The following CKAP2L variants were observed in gnomAD, a reference collection of about 807,000 sequenced individuals.
CKAP2L encodes the protein cytoskeleton-associated protein 2-like.
CKAP2L carries 42 observed loss-of-function variants against 65.7 expected under a neutral mutation model. The observed-to-expected ratio is 0.64, with a 90% CI of 0.50 to 0.83. The LOEUF is 0.83. Ranked by LOEUF, CKAP2L falls within the 40% of genes least tolerant of loss-of-function variation. The pLI, the probability that CKAP2L is intolerant of heterozygous loss-of-function variation, is 0.00. For synonymous variants in CKAP2L, 325 were observed against 313.5 expected (o/e 1.04, Z -0.39); for missense variants, 908 against 871.0 (o/e 1.04, Z -0.53).
chr2:112,751,256 G>C (rs1680363851), intron 5 of CKAP2L, among the ~76,000 whole-genome samples: 1 of 152,080 alleles, frequency 6.6e-6, no homozygotes, highest in Admixed American at 6.5e-5. Flanking sequence ...ATTGGTACTA[G>C]GAAAACACAA....
intron 5 of CKAP2L, among the ~76,000 whole-genome samples, chr2:112,747,012 A>G (rs1680223137): frequency 6.6e-6 from 1 of 151,734 alleles, no homozygotes. Flanking sequence ...GATGGTCTTG[A>G]TCTCCTGACC....
chr2:112,746,621 G>A (rs1680210133), intron 5 of CKAP2L, 46 bp from the exon 6 acceptor site: 3 of 1,401,406 alleles, frequency 2.1e-6, no homozygotes, highest in African/African-American at 1.4e-5. Flanking sequence ...CCATTTCACT[G>A]TTAGTCTCAC....
Position 112,737,608 on chromosome 2 carries a change from G to T in CKAP2L, c.*1215C>A, listed in dbSNP as rs753185592. On this transcript the variant is annotated 3_prime_UTR_variant, in exon 9 of 9. Transcript: ENST00000302450. ...AATTGAGTTGTAAGAGTCTCTTATT[G>T]AAAGTCTGCTGGTATTACAGGTTTA... 6.6e-6 allele frequency: 1 copy of T among 151,952 alleles called. No homozygotes were observed. The highest frequency in any genetic ancestry group is 1.5e-5 in the Non-Finnish European group (1 of 68,006). The allele number at this position is 151,952 out of a possible 1,614,324, so 9.4% of individuals were successfully genotyped here.
At chr2:112,750,030 C>A (rs1254744209) in intron 5 of CKAP2L, among the ~76,000 whole-genome samples, 1 of 152,142 alleles carries the variant, frequency 6.6e-6, no homozygotes, top group Non-Finnish European at 1.5e-5. Flanking sequence ...TGGATAGCAT[C>A]TTTTCCTCAA....
Position 112,752,281 on chromosome 2 carries a change from TCAGA to T in CKAP2L, c.1584_1587del (p.Cys528Ter). The T allele has an allele frequency of 1.9e-6, 3 of 1,613,268 alleles. No individual in the cohort carries two copies. Among genetic ancestry groups the T allele is most frequent in the Non-Finnish European group, 2.5e-6 (3 of 1,179,430 alleles). On this transcript the variant is annotated frameshift_variant, in exon 5 of 9. Transcript: ENST00000302450. LOFTEE classifies it high-confidence loss of function. ...TCTTCACTTACCCCTTCGATGAGGT[TCAGA>T]CATTCTGTCAGAGTGTTGTTAATTT...
chr2:112,758,512 T>G (rs1156928396), intron 3 of CKAP2L, among the ~76,000 whole-genome samples: 1 of 152,080 alleles, frequency 6.6e-6, no homozygotes. Flanking sequence ...ATGATAGCGG[T>G]GTGTGTGGTG....
chr2:112,754,483 G>A (rs766180640), intron 4 of CKAP2L, among the ~76,000 whole-genome samples: 12 of 152,066 alleles, frequency 7.9e-5, no homozygotes, highest in African/African-American at 2.7e-4. Flanking sequence ...AATCATAAAC[G>A]AAGAGTGAAC....
chr2:112,757,075 A>G lies in CKAP2L; in HGVS notation c.296T>C (p.Leu99Pro). ...ACATTCTGAAGTCAGCCTTTTGCCC[A>G]GAAGTTTTGGTGGCTCCAACTTCGG... ...QKPKLEPPKL[L>P]GKRLTSECVS... The change falls in exon 4 of 9, where the codon CTG (leucine) becomes CCG (proline). Residue 99 changes from leucine to proline, a missense_variant. Coordinates refer to ENST00000302450, the MANE Select transcript of CKAP2L (RefSeq NM_152515.5). 1 of 1,614,180 alleles carries G rather than the reference A, an allele frequency of 6.2e-7. No individual in the cohort carries two copies. Among genetic ancestry groups the G allele is most frequent in the Non-Finnish European group, 8.5e-7 (1 of 1,180,030 alleles).
intron 3 of CKAP2L, 101 bp downstream of exon 3, chr2:112,760,612 C>A: frequency 1.6e-6 from 1 of 620,210 alleles, no homozygotes; most frequent in Non-Finnish European, 2.8e-6. Context: ...GTAAGAAATA[C>A]CTTTCAAATA....
chr2:112,753,461 G>A (rs12476456), intron 4 of CKAP2L, among the ~76,000 whole-genome samples: 287 of 150,628 alleles, frequency 1.9e-3, no homozygotes, highest in Middle Eastern at 3.5e-3. Flanking sequence ...CTCCAACCTC[G>A]TATCACACTA....
chr2:112,745,964 T>C (rs1336055966), intron 6 of CKAP2L, among the ~76,000 whole-genome samples: 3 of 152,102 alleles, frequency 2.0e-5, no homozygotes, highest in Admixed American at 6.5e-5. Flanking sequence ...CAGTTTGCTC[T>C]AGGAAGGGGA....
intron 5 of CKAP2L, among the ~76,000 whole-genome samples, chr2:112,749,901 T>A (rs914137740): frequency 2.0e-5 from 3 of 152,166 alleles, no homozygotes; most frequent in Non-Finnish European, 4.4e-5. Context: ...TGCTTCTTCC[T>A]ATTTGCTTTC....
intron 5 of CKAP2L, among the ~76,000 whole-genome samples, chr2:112,747,934 A>T (rs1457095770): frequency 2.6e-5 from 4 of 152,260 alleles, no homozygotes; most frequent in Non-Finnish European, 5.9e-5. Flanking sequence ...AGAAAGGCAG[A>T]ACAACTGCAT....
intron 3 of CKAP2L, among the ~76,000 whole-genome samples, chr2:112,757,686 G>C (rs186849293): frequency 1.7e-3 from 254 of 152,252 alleles, no homozygotes; most frequent in African/African-American, 5.7e-3. Context: ...CACCACACCT[G>C]TCCTAACAGG....
chr2:112,744,582 G>C (rs1162035558), intron 6 of CKAP2L, among the ~76,000 whole-genome samples: 1 of 152,200 alleles, frequency 6.6e-6, no homozygotes, highest in Admixed American at 6.5e-5. Flanking sequence ...TTAGGATAGG[G>C]TGCTTTCTGA....
At chr2:112,742,815 C>A (rs757359053) in intron 6 of CKAP2L, 46 bp from the exon 7 acceptor site, 7 of 1,417,458 alleles carry the variant, frequency 4.9e-6, no homozygotes, top group Non-Finnish European at 6.8e-6. Flanking sequence ...AACATTCATG[C>A]AAAAAATTTG....
At chr2:112,763,265 T>C (rs1680787389) in intron 1 of CKAP2L, among the ~76,000 whole-genome samples, 1 of 152,160 alleles carries the variant, frequency 6.6e-6, no homozygotes, top group Non-Finnish European at 1.5e-5. Flanking sequence ...TACAACAGTC[T>C]GTTTTGAAGA....
intron 4 of CKAP2L, among the ~76,000 whole-genome samples, 193 bp downstream of exon 4, chr2:112,755,784 A>G (rs559696342): frequency 6.6e-6 from 1 of 152,246 alleles, no homozygotes; most frequent in East Asian, 1.9e-4. Context: ...AAAATGATTT[A>G]TAACATGTGT....
At chr2:112,758,713 T>C (rs546842146) in intron 3 of CKAP2L, among the ~76,000 whole-genome samples, 95 of 152,308 alleles carry the variant, frequency 6.2e-4, no homozygotes, top group African/African-American at 2.2e-3. Context: ...TTAGTTGCTT[T>C]CTTATATATT....
Sources: allele counts gnomAD v4.1 joint callset (sites outside exome capture counted in the v4.1 genomes callset), GRCh38; gene constraint gnomAD v4.1.1; transcripts MANE v1.5; gene names NCBI Gene and HGNC (gene_info 2026-07-23, HGNC 2026-07-21).